VPS50: variants seen among roughly 807,000 people sequenced by gnomAD.
VPS50 encodes VPS50 subunit of EARP/GARPII complex, also known as syndetin.
A neutral mutation model predicts 139.7 loss-of-function variants in VPS50; 70 were observed. The ratio of observed to expected loss-of-function variants is 0.50; its 90% CI spans 0.41 to 0.61. VPS50 has a LOEUF of 0.61. Ranked by LOEUF, VPS50 falls within the 20% of genes least tolerant of loss-of-function variation. The pLI is 0.00. For synonymous variants in VPS50, 365 were observed against 376.7 expected (o/e 0.97, Z 0.36); for missense variants, 921 against 1,133.7 (o/e 0.81, Z 2.69).
chr7:93,301,588 T>C (rs565196491), intron 16 of VPS50, among the ~76,000 whole-genome samples: 1 of 152,286 alleles, frequency 6.6e-6, no homozygotes, highest in South Asian at 2.1e-4. Context: ...CACAAACCTG[T>C]CTGGAAGAGA....
At chr7:93,289,138 GACT>G (rs1377454298) in intron 12 of VPS50, among the ~76,000 whole-genome samples, 1 of 152,136 alleles carries the variant, frequency 6.6e-6, no homozygotes, top group Non-Finnish European at 1.5e-5. Context: ...AGAGGAGCCT[GACT>G]AGAGTTTGGT....
intron 21 of VPS50, among the ~76,000 whole-genome samples, chr7:93,328,744 A>T (rs1163416142): frequency 6.6e-6 from 1 of 152,194 alleles, no homozygotes; most frequent in African/African-American, 2.4e-5. Context: ...GTTTTTATGG[A>T]CTGGAGAATC....
chr7:93,280,103 A>G (rs1429907241), intron 12 of VPS50, among the ~76,000 whole-genome samples: 1 of 151,950 alleles, frequency 6.6e-6, no homozygotes, highest in Non-Finnish European at 1.5e-5. Context: ...TTCCCAATCA[A>G]TTTTCTGCCA....
intron 26 of VPS50, among the ~76,000 whole-genome samples, chr7:93,354,606 T>C (rs1216375046): frequency 1.3e-5 from 2 of 152,122 alleles, no homozygotes; most frequent in Non-Finnish European, 2.9e-5. Context: ...TACTCCTGAT[T>C]TCTGGTGGTA....
intron 11 of VPS50, chr7:93,273,355 T>C (rs1431030259): frequency 2.6e-5 from 4 of 152,126 alleles, no homozygotes; most frequent in African/African-American, 7.2e-5. Context: ...TATGTTTACC[T>C]ATACAACATT....
chr7:93,279,054 A>G (rs1326273229), intron 12 of VPS50, among the ~76,000 whole-genome samples: 2 of 152,150 alleles, frequency 1.3e-5, no homozygotes, highest in Non-Finnish European at 2.9e-5. Context: ...GAAAGGAGTT[A>G]ACATAATAAG....
chr7:93,343,149 G>A (rs1334021758), intron 23 of VPS50, among the ~76,000 whole-genome samples: 2 of 152,150 alleles, frequency 1.3e-5, no homozygotes, highest in Non-Finnish European at 2.9e-5. Flanking sequence ...GGAGCTGATG[G>A]AGCTGAAAAC....
intron 20 of VPS50, among the ~76,000 whole-genome samples, chr7:93,316,822 A>G (rs1051172537): frequency 2.6e-5 from 4 of 152,358 alleles, no homozygotes; most frequent in East Asian, 1.9e-4. Context: ...TAAAATGACT[A>G]GGAAGGACTA....
chr7:93,352,400 TA>T (rs1420018622), intron 25 of VPS50, among the ~76,000 whole-genome samples: 2 of 152,190 alleles, frequency 1.3e-5, no homozygotes, highest in Non-Finnish European at 2.9e-5. Flanking sequence ...AACGAATTGT[TA>T]AAAATAAATT....
At chr7:93,324,966 A>G (rs1797726544) in intron 21 of VPS50, among the ~76,000 whole-genome samples, 1 of 152,136 alleles carries the variant, frequency 6.6e-6, no homozygotes, top group African/African-American at 2.4e-5. Flanking sequence ...ATATGGAACC[A>G]AAAAAGAGCC....
chr7:93,349,859 G>T lies in VPS50; in HGVS notation c.2305-16G>T. 1 of 1,590,762 alleles carries T rather than the reference G, an allele frequency of 6.3e-7. No individual in the cohort carries two copies. Among genetic ancestry groups the T allele is most frequent in the Non-Finnish European group, 8.6e-7 (1 of 1,169,098 alleles). ...TTAGAAAATAATTGTTTTCATTTTT[G>T]TGAAATTTATTTCAGACAGTCTCAA... On this transcript the variant is annotated splice_polypyrimidine_tract_variant and intron_variant, in intron 24 of 27. Coordinates refer to ENST00000305866, the MANE Select transcript of VPS50 (RefSeq NM_017667.4).
At chr7:93,337,118 G>A (rs1446535335) in intron 22 of VPS50, among the ~76,000 whole-genome samples, 1 of 152,106 alleles carries the variant, frequency 6.6e-6, no homozygotes, top group Non-Finnish European at 1.5e-5. Flanking sequence ...CTCTCTTCAA[G>A]CGTATTTTCC....
chr7:93,277,037 TTG>T (rs1796177374), intron 12 of VPS50, among the ~76,000 whole-genome samples: 1 of 152,164 alleles, frequency 6.6e-6, no homozygotes, highest in South Asian at 2.1e-4. Context: ...CAGCATCTAC[TTG>T]TATTTAAAGC....
At chr7:93,356,710 G>A (rs1331663631) in intron 27 of VPS50, among the ~76,000 whole-genome samples, 12 of 152,092 alleles carry the variant, frequency 7.9e-5, no homozygotes, top group Admixed American at 2.6e-4. Context: ...AGTGAGCTTG[G>A]TATGGGAAGC....
intron 17 of VPS50, among the ~76,000 whole-genome samples, chr7:93,305,122 A>G (rs983875269): frequency 1.8e-4 from 27 of 152,004 alleles, no homozygotes; most frequent in Admixed American, 1.4e-3. Context: ...TTGTAATTCA[A>G]AGGAACTTTA....
rs150715097 is a variant in VPS50, at chr7:93,260,677, TTTTGTTTG to T, written c.659+1065_659+1072del. On this transcript the variant is annotated intron_variant, in intron 9 of 27. Coordinates refer to ENST00000305866, the MANE Select transcript of VPS50 (RefSeq NM_017667.4). ...ATGTGCAGATTGAAGTTACATGTTTTTTTGTTTGTTTGTTTGTTTGTTTGTTTTTTATT... is the reference window on the plus strand; with the variant it reads ...ATGTGCAGATTGAAGTTACATGTTTTTTTGTTTGTTTGTTTGTTTTTTATT... Among the ~76,000 whole-genome samples, 34 of 151,416 alleles carry T rather than the reference TTTTGTTTG, an allele frequency of 2.2e-4. No individual in the cohort carries two copies. The South Asian group carries it at 3.8e-3, about 17-fold the overall frequency.
At chr7:93,242,414 A>G (rs1383301629) in intron 2 of VPS50, among the ~76,000 whole-genome samples, 3 of 151,938 alleles carry the variant, frequency 2.0e-5, no homozygotes, top group Admixed American at 2.0e-4. Context: ...TATAAGTTAT[A>G]CAACCTTTTA....
In VPS50 at chr7:93,306,002, G is replaced by A. The variant is rs1797105538; in HGVS notation, c.1627G>A (p.Gly543Arg). 1 of 1,607,844 alleles carries A rather than the reference G, an allele frequency of 6.2e-7. No homozygotes were observed. Among genetic ancestry groups the A allele is most frequent in the Non-Finnish European group, 8.5e-7 (1 of 1,175,116 alleles). ...EETEDVLASN[G>R]YESDEQEKSA... is the part of the protein sequence containing the mutation. Reference sequence around the variant, plus strand: ...AACAGAAGATGTCTTAGCTTCTAATGGGGTATGTGGTGTATGTGAAACATA... The same window carrying A: ...AACAGAAGATGTCTTAGCTTCTAATAGGGTATGTGGTGTATGTGAAACATA... Residue 543 changes from glycine to arginine, a missense_variant and splice_region_variant, in exon 18 of 28, where the codon GGG becomes AGG. Gly to Arg is a moderately radical substitution (Grantham distance 125). This residue lies in a region of VPS50 where 744 missense variants were observed against 930.6 expected (regional missense o/e 0.80). Transcript: ENST00000305866.
intron 12 of VPS50, among the ~76,000 whole-genome samples, chr7:93,280,456 A>C (rs1796290869): frequency 6.6e-6 from 1 of 152,148 alleles, no homozygotes; most frequent in East Asian, 1.9e-4. Context: ...AAGGACTCAT[A>C]GTAGTACTTT....
Sources: gnomAD v4.1 joint callset for allele counts (sites outside exome capture counted in the v4.1 genomes callset) on GRCh38, gnomAD v4.1.1 for gene constraint, gnomAD v4.1.1 regional missense constraint, MANE v1.5 for transcripts, NCBI Gene and HGNC (gene_info 2026-07-23, HGNC 2026-07-21) for gene names.